The following KICS2 variants were observed in gnomAD, a reference collection of about 807,000 sequenced individuals.
The protein encoded by KICS2 is KICSTOR complex protein C12orf66.
Under a neutral mutation model 31.4 loss-of-function variants are expected in KICS2, and 13 were observed. The ratio of observed to expected loss-of-function variants is 0.41; its 90% CI spans 0.27 to 0.66. The LOEUF is 0.66. Ranked by LOEUF, KICS2 falls within the 30% of genes least tolerant of loss-of-function variation. The pLI is 0.28. For synonymous variants in KICS2, 209 were observed against 214.8 expected, an observed-to-expected ratio of 0.97 and a Z score of 0.24; for missense variants, 455 against 545.4, an observed-to-expected ratio of 0.83 and a Z score of 1.65.
intron 1 of KICS2, among the ~76,000 whole-genome samples, chr12:64,216,737 T>C (rs1434960190): frequency 6.6e-6 from 1 of 152,146 alleles, no homozygotes; most frequent in African/African-American, 2.4e-5. Context: ...CACCTTTATA[T>C]AGCCAAAAAG....
chr12:64,218,591 G>T (rs1473116524), intron 1 of KICS2, among the ~76,000 whole-genome samples: 1 of 151,998 alleles, frequency 6.6e-6, no homozygotes, highest in Non-Finnish European at 1.5e-5. Flanking sequence ...TGAATTGGGA[G>T]CTTCAAATAC....
intron 1 of KICS2, among the ~76,000 whole-genome samples, chr12:64,221,250 A>C (rs1156405185): frequency 1.3e-5 from 2 of 152,228 alleles, no homozygotes; most frequent in Non-Finnish European, 2.9e-5. Context: ...ACTGACTCTG[A>C]AACCCCTAGG....
In KICS2 at chr12:64,220,499, T is replaced by C. The variant is rs115769755; in HGVS notation, c.235+1504A>G. ...TGTACATATATATTTTTCTGGAGAG[T>C]AAGTACACAGCTTTCATCAAATTTC... On this transcript the variant is annotated intron_variant, in intron 1 of 2. Coordinates refer to ENST00000398055, the MANE Select transcript of KICS2 (RefSeq NM_152440.5). Among the ~76,000 whole-genome samples the C allele has an allele frequency of 5.4e-3, 819 of 151,338 alleles. 12 individuals are homozygous for C. Among genetic ancestry groups the C allele is most frequent in the African/African-American group, 0.019 (762 of 41,182 alleles).
chr12:64,187,963 T>C (rs1469466373), downstream of KICS2, among the ~76,000 whole-genome samples: 1 of 152,230 alleles, frequency 6.6e-6, no homozygotes, highest in Non-Finnish European at 1.5e-5. Context: ...TTGGCCGCAG[T>C]TGGCCAAAGG....
chr12:64,195,571 AAAC>A (rs1035136737), intron 2 of KICS2, among the ~76,000 whole-genome samples: 4 of 152,202 alleles, frequency 2.6e-5, no homozygotes, highest in African/African-American at 9.6e-5. Context: ...TTATAGTTAA[AAAC>A]AAAATGGTGT....
chr12:64,204,522 G>A (rs148214537), intron 2 of KICS2, among the ~76,000 whole-genome samples: 76 of 152,230 alleles, frequency 5.0e-4, no homozygotes, highest in Middle Eastern at 3.4e-3. Flanking sequence ...GCAGTTGCTC[G>A]TACCTGTAAT....
At chr12:64,211,956 T>C (rs376375885) in intron 2 of KICS2, among the ~76,000 whole-genome samples, 2 of 152,198 alleles carry the variant, frequency 1.3e-5, no homozygotes, top group African/African-American at 2.4e-5. Context: ...GTTATGATTA[T>C]GTATGGTTCT....
At chr12:64,206,548 C>A (rs2136698882) in intron 2 of KICS2, among the ~76,000 whole-genome samples, 1 of 152,238 alleles carries the variant, frequency 6.6e-6, no homozygotes, top group African/African-American at 2.4e-5. Context: ...GGAACAATTC[C>A]TTTTGGTCAA....
chr12:64,218,867 C>G (rs969970383), intron 1 of KICS2, among the ~76,000 whole-genome samples: 1 of 152,132 alleles, frequency 6.6e-6, no homozygotes, highest in Non-Finnish European at 1.5e-5. Flanking sequence ...AGAGATAGAC[C>G]ATCAACACAT....
Position 64,221,984 on chromosome 12 carries a change from G to T in KICS2, c.235+19C>A. 1 of 1,603,270 alleles carries T rather than the reference G, an allele frequency of 6.2e-7. No homozygotes were observed. Among genetic ancestry groups the T allele is most frequent in the Non-Finnish European group, 8.5e-7 (1 of 1,172,904 alleles). ...CTTTACTTCCTCCTCAAGGGGCTCGGGGGGCGGGGCGGAGGTACCTAGTTT... is the reference window on the plus strand; with the variant it reads ...CTTTACTTCCTCCTCAAGGGGCTCGTGGGGCGGGGCGGAGGTACCTAGTTT... On this transcript the variant is annotated intron_variant, in intron 1 of 2. Transcript: ENST00000398055.
chr12:64,211,757 T>A (rs886156821), intron 2 of KICS2, among the ~76,000 whole-genome samples: 5 of 151,868 alleles, frequency 3.3e-5, no homozygotes, highest in African/African-American at 9.7e-5. Context: ...TCAAACAATT[T>A]AAAAAAAAGA....
intron 2 of KICS2, among the ~76,000 whole-genome samples, chr12:64,205,206 C>T (rs1194736318): frequency 6.6e-6 from 1 of 152,194 alleles, no homozygotes; most frequent in Non-Finnish European, 1.5e-5. Context: ...ATCCAATGCT[C>T]TCCTTAAGAG....
chr12:64,195,679 A>G (rs1184530335), intron 2 of KICS2, among the ~76,000 whole-genome samples: 4 of 152,334 alleles, frequency 2.6e-5, no homozygotes, highest in East Asian at 3.9e-4. Flanking sequence ...CTGCATTTCC[A>G]TCTGAGGTAC....
downstream of KICS2, chr12:64,187,299 C>G: frequency 1.0e-5 from 3 of 300,454 alleles, no homozygotes; most frequent in Non-Finnish European, 1.8e-5. Flanking sequence ...TCTTGTGACC[C>G]TCTCCTGAGT....
Position 64,222,043 on chromosome 12 carries a change from C to G in KICS2, c.195G>C (p.Glu65Asp). Reference sequence around the variant, plus strand: ...GGTAGGTGAGGCTGTGATAGACCTTCTCGGCCGCGGCCAGGTGCGCCAAGG... The same window carrying G: ...GGTAGGTGAGGCTGTGATAGACCTTGTCGGCCGCGGCCAGGTGCGCCAAGG... ...LAALAHLAAA[E>D]KVYHSLTYLG... Residue 65 changes from glutamate (E) to aspartate (D), a missense_variant, in exon 1 of 3, where the codon GAG (glutamate) becomes GAC (aspartate). Physicochemically the swap from Glu to Asp is conservative, Grantham distance 45. Coordinates refer to ENST00000398055, the MANE Select transcript of KICS2 (RefSeq NM_152440.5). The G allele has an allele frequency of 6.2e-7, 1 of 1,613,764 alleles. No homozygotes were observed. The highest frequency in any genetic ancestry group is 8.5e-7 in the Non-Finnish European group (1 of 1,179,904).
In KICS2 at chr12:64,219,396, G is replaced by C. The variant is rs201075946; in HGVS notation, c.235+2607C>G. On this transcript the variant is annotated intron_variant, in intron 1 of 2. Coordinates refer to ENST00000398055, the MANE Select transcript of KICS2 (RefSeq NM_152440.5). ...AGGTATTATTCTCTCTTAAAGGAAA[G>C]AGAAGGAACCAAGATAAGGGCCCTA... Among the ~76,000 whole-genome samples, 53 of 152,256 alleles carry C rather than the reference G, an allele frequency of 3.5e-4. No individual in the cohort carries two copies. The South Asian group carries it at 5.0e-3, about 14-fold the overall frequency.
At chr12:64,187,400 G>A (rs747954865), downstream of KICS2, 76 of 533,194 alleles carry the variant, frequency 1.4e-4, no homozygotes, top group Non-Finnish European at 2.3e-4. Context: ...ATTTTCTAGT[G>A]GTGATATTTT....
At chr12:64,197,397 TGCTGAGAGATTTTGTCACCACCAG>T (rs1379694028) in intron 2 of KICS2, among the ~76,000 whole-genome samples, 1 of 146,824 alleles carries the variant, frequency 6.8e-6, no homozygotes. Context: ...GACAAGCAAA[TGCTGAGAGATTTTGTCACCACCAG>T]GCCTGCCCTA....
chr12:64,187,482 A>G (rs1445745295), downstream of KICS2: 2 of 704,544 alleles, frequency 2.8e-6, no homozygotes, highest in African/African-American at 1.8e-5. Context: ...GATTGAAAAA[A>G]TATGCAGACA....
Sources: gnomAD v4.1 joint callset for allele counts (sites outside exome capture counted in the v4.1 genomes callset) on GRCh38, gnomAD v4.1.1 for gene constraint, MANE v1.5 for transcripts, NCBI Gene and HGNC (gene_info 2026-07-23, HGNC 2026-07-21) for gene names.